Variants in STXBP5L observed in about 807,000 individuals in gnomAD.
STXBP5L encodes the protein syntaxin binding protein 5L.
STXBP5L carries 65 observed loss-of-function variants against 144.5 expected under a neutral mutation model. The observed-to-expected ratio is 0.45, with a 90% CI of 0.37 to 0.55. STXBP5L has a LOEUF of 0.55. Ranked by LOEUF, STXBP5L falls within the 20% of genes least tolerant of loss-of-function variation. The pLI, the probability that STXBP5L is intolerant of heterozygous loss-of-function variation, is 0.00. For synonymous variants in STXBP5L, 505 were observed against 469.6 expected, an observed-to-expected ratio of 1.08 and a Z score of -0.97; for missense variants, 1,298 against 1,405.5, an observed-to-expected ratio of 0.92 and a Z score of 1.22.
intron 5 of STXBP5L, among the ~76,000 whole-genome samples, chr3:121,111,594 A>G (rs892904932): frequency 1.3e-5 from 2 of 152,106 alleles, no homozygotes; most frequent in African/African-American, 4.8e-5. Context: ...ACTGCCTGCT[A>G]CTTTCTCTGG....
chr3:121,254,446 G>C (rs570499040), intron 15 of STXBP5L, among the ~76,000 whole-genome samples: 1 of 152,088 alleles, frequency 6.6e-6, no homozygotes, highest in Non-Finnish European at 1.5e-5. Flanking sequence ...AAAATTTGTT[G>C]AGAGTAGTAA....
intron 20 of STXBP5L, among the ~76,000 whole-genome samples, chr3:121,358,764 G>C (rs2108633086): frequency 6.6e-6 from 1 of 152,160 alleles, no homozygotes; most frequent in South Asian, 2.1e-4. Context: ...TTTTGTGCCT[G>C]GCTTATTTCA....
chr3:121,078,119 C>T (rs1002230213), intron 5 of STXBP5L, among the ~76,000 whole-genome samples: 1 of 148,112 alleles, frequency 6.8e-6, no homozygotes. Flanking sequence ...CTCCAAGTCC[C>T]CACCAGAGGA....
chr3:120,925,471 A>G (rs1709575855), intron 2 of STXBP5L, among the ~76,000 whole-genome samples: 1 of 152,192 alleles, frequency 6.6e-6, no homozygotes, highest in Admixed American at 6.5e-5. Context: ...TGATCTACAT[A>G]TAGCTACTCC....
intron 19 of STXBP5L, among the ~76,000 whole-genome samples, chr3:121,304,338 G>A (rs142980460): frequency 1.3e-5 from 2 of 151,920 alleles, no homozygotes; most frequent in Admixed American, 6.6e-5. Flanking sequence ...ACAAAAATTG[G>A]TAAGATTATA....
At chr3:121,133,741 AT>A (rs1475356135) in intron 7 of STXBP5L, among the ~76,000 whole-genome samples, 3 of 152,186 alleles carry the variant, frequency 2.0e-5, no homozygotes, top group Non-Finnish European at 2.9e-5. Context: ...AGCAAAAGAG[AT>A]TTAATTGACT....
chr3:120,981,323 A>G (rs1186329171), intron 3 of STXBP5L, among the ~76,000 whole-genome samples: 1 of 152,312 alleles, frequency 6.6e-6, no homozygotes, highest in East Asian at 1.9e-4. Context: ...TTCTTCTGAA[A>G]CAATGATAAC....
At chr3:121,312,446 C>CTTTTTTTTTTT (rs58989280) in intron 19 of STXBP5L, among the ~76,000 whole-genome samples, 18 of 12,750 alleles carry the variant, frequency 1.4e-3, no homozygotes, top group Admixed American at 2.0e-3. Flanking sequence ...GTATGTCAAT[C>CTTTTTTTTTTT]TTTTTTTTTT....
At chr3:121,411,604 G>A (rs893321453) in intron 23 of STXBP5L, among the ~76,000 whole-genome samples, 1 of 152,062 alleles carries the variant, frequency 6.6e-6, no homozygotes, top group Non-Finnish European at 1.5e-5. Context: ...ATATAGCCAT[G>A]GGGTAAGACA....
At chr3:120,932,013 C>G (rs1355496232) in intron 2 of STXBP5L, among the ~76,000 whole-genome samples, 1 of 152,166 alleles carries the variant, frequency 6.6e-6, no homozygotes, top group East Asian at 1.9e-4. Context: ...ACACACTTAG[C>G]TATATAGTAT....
intron 19 of STXBP5L, among the ~76,000 whole-genome samples, chr3:121,305,622 C>A (rs1324581866): frequency 2.0e-5 from 3 of 151,928 alleles, no homozygotes; most frequent in Non-Finnish European, 4.4e-5. Context: ...AAATCCTTAA[C>A]AAAACAAGAA....
intron 11 of STXBP5L, among the ~76,000 whole-genome samples, chr3:121,228,765 T>C (rs770147908): frequency 2.0e-5 from 3 of 152,020 alleles, no homozygotes; most frequent in Non-Finnish European, 4.4e-5. Flanking sequence ...TAATCCCAGC[T>C]ACTCGGGAGG....
intron 5 of STXBP5L, among the ~76,000 whole-genome samples, chr3:121,061,956 C>T (rs1314799453): frequency 6.6e-6 from 1 of 152,072 alleles, no homozygotes; most frequent in Non-Finnish European, 1.5e-5. Context: ...GGCATTTAGC[C>T]TGTTTACAAT....
chr3:121,070,956 C>A (rs910383324), intron 5 of STXBP5L, among the ~76,000 whole-genome samples: 6 of 152,180 alleles, frequency 3.9e-5, no homozygotes, highest in Non-Finnish European at 7.3e-5. Flanking sequence ...ATAGTTGGGG[C>A]TGCTCATTTC....
intron 9 of STXBP5L, among the ~76,000 whole-genome samples, chr3:121,188,496 C>G (rs1292733355): frequency 1.5e-5 from 1 of 68,450 alleles, no homozygotes. Context: ...GGTAGAGACA[C>G]AGCAAAAAAA....
At chr3:121,137,942 AG>A (rs1369712008) in intron 7 of STXBP5L, among the ~76,000 whole-genome samples, 4 of 152,148 alleles carry the variant, frequency 2.6e-5, no homozygotes, top group African/African-American at 9.6e-5. Flanking sequence ...CAACTAGGCA[AG>A]TGAAAGAAAT....
chr3:121,008,930 A>C (rs916765192), intron 3 of STXBP5L, among the ~76,000 whole-genome samples: 1 of 129,934 alleles, frequency 7.7e-6, no homozygotes, highest in African/African-American at 3.0e-5. Flanking sequence ...TAATATAATC[A>C]ATTTTTTTTT....
chr3:121,300,799 A>G (rs193197252), intron 19 of STXBP5L, among the ~76,000 whole-genome samples: 2 of 151,976 alleles, frequency 1.3e-5, no homozygotes, highest in Admixed American at 1.3e-4. Context: ...TAACCCCATC[A>G]AAGATTATAT....
intron 9 of STXBP5L, among the ~76,000 whole-genome samples, chr3:121,186,346 G>A (rs1046371751): frequency 8.5e-5 from 13 of 152,174 alleles, no homozygotes; most frequent in Non-Finnish European, 1.9e-4. Flanking sequence ...GAATAGGAGT[G>A]GTGAGAGAGG....
Sources: gnomAD v4.1 joint callset for allele counts (sites outside exome capture counted in the v4.1 genomes callset) on GRCh38, gnomAD v4.1.1 for gene constraint, MANE v1.5 for transcripts, NCBI Gene and HGNC (gene_info 2026-07-23, HGNC 2026-07-21) for gene names.